Variants in IRGM observed in about 807,000 individuals in gnomAD.
IRGM encodes the protein immunity related GTPase M.
For synonymous variants in IRGM, 98 were observed against 80.6 expected (o/e 1.22, Z -1.16); for missense variants, 288 against 219.9 (o/e 1.31, Z -1.96).
Position 150,848,292 on chromosome 5 carries a change from G to T in IRGM, c.169G>T (p.Gly57Ter). 1 of 1,551,806 alleles carries T rather than the reference G, an allele frequency of 6.4e-7. No homozygotes were observed. Among genetic ancestry groups the T allele is most frequent in the Non-Finnish European group, 8.7e-7 (1 of 1,146,994 alleles). ...STFISALRNT[G>*]HEGKASPPTE... ...CTTCATCAGTGCCCTTCGAAACACA[G>T]GACATGAGGGTAAGGCCTCACCTCC... The change falls in exon 2 of 2, where the codon GGA (glycine) becomes TGA (stop). Residue 57 changes from glycine (G) to a stop codon, truncating the protein, a stop_gained. Coordinates refer to ENST00000522154, the MANE Select transcript of IRGM (RefSeq NM_001145805.2). LOFTEE classifies it low-confidence loss of function (END_TRUNC).
intron 1 of IRGM, among the ~76,000 whole-genome samples, chr5:150,853,917 C>T (rs532963352): frequency 1.7e-4 from 26 of 152,202 alleles, no homozygotes; most frequent in African/African-American, 6.3e-4. Context: ...CATCCATTTA[C>T]ATTTAAAGCA....
intron 3 of IRGM, among the ~76,000 whole-genome samples, chr5:150,889,064 G>T (rs1245826074): frequency 1.3e-5 from 2 of 151,856 alleles, no homozygotes; most frequent in Non-Finnish European, 2.9e-5. Context: ...ATTGTTTATT[G>T]TGGAGTTTTG....
intron 1 of IRGM, among the ~76,000 whole-genome samples, chr5:150,872,313 CCA>C (rs1754296936): frequency 1.3e-5 from 2 of 152,282 alleles, no homozygotes; most frequent in South Asian, 4.1e-4. Flanking sequence ...CCTCCCTGAC[CCA>C]CGCTGCCATC....
intron 1 of IRGM, among the ~76,000 whole-genome samples, chr5:150,875,806 C>A (rs1431198798): frequency 6.6e-6 from 1 of 152,184 alleles, no homozygotes; most frequent in Non-Finnish European, 1.5e-5. Flanking sequence ...GATATGGCAC[C>A]ATTCCTTGGG....
chr5:150,892,044 A>G (rs1341435238), intron 3 of IRGM, among the ~76,000 whole-genome samples: 3 of 152,158 alleles, frequency 2.0e-5, no homozygotes, highest in Non-Finnish European at 4.4e-5. Flanking sequence ...TGTTCTGCAG[A>G]TAAGAATCAT....
chr5:150,896,807 G>C, intron 3 of IRGM: 1 of 1,613,748 alleles, frequency 6.2e-7, no homozygotes, highest in East Asian at 2.2e-5. Flanking sequence ...CCTGCCTGAA[G>C]AGTTTGTCTT....
At chr5:150,857,158 A>G (rs1390053854) in intron 1 of IRGM, among the ~76,000 whole-genome samples, 1 of 150,612 alleles carries the variant, frequency 6.6e-6, no homozygotes, top group Non-Finnish European at 1.5e-5. Context: ...TTCATTTCCC[A>G]CCTATGAGTG....
intron 1 of IRGM, among the ~76,000 whole-genome samples, chr5:150,863,347 T>G (rs1319413263): frequency 6.6e-6 from 1 of 152,220 alleles, no homozygotes; most frequent in Non-Finnish European, 1.5e-5. Context: ...AAAAAGGTGC[T>G]TGTTTTAATG....
chr5:150,860,789 G>T (rs761439979), intron 1 of IRGM, among the ~76,000 whole-genome samples: 40 of 152,110 alleles, frequency 2.6e-4, no homozygotes, highest in Non-Finnish European at 3.2e-4. Context: ...GATTGCTCGG[G>T]GTCTGTGCTA....
intron 3 of IRGM, among the ~76,000 whole-genome samples, chr5:150,899,499 T>G (rs1302406099): frequency 1.3e-5 from 2 of 152,016 alleles, no homozygotes; most frequent in African/African-American, 4.8e-5. Context: ...CTTTATTTCA[T>G]AGGAAAATGA....
intron 3 of IRGM, among the ~76,000 whole-genome samples, chr5:150,892,905 C>T (rs1208234686): frequency 6.6e-6 from 1 of 151,904 alleles, no homozygotes; most frequent in African/African-American, 2.4e-5. Context: ...CCACAATTTT[C>T]TTGTTTTGTT....
chr5:150,856,546 T>G (rs1754052726), intron 1 of IRGM, among the ~76,000 whole-genome samples: 1 of 152,152 alleles, frequency 6.6e-6, no homozygotes, highest in Non-Finnish European at 1.5e-5. Context: ...CTATGTTAAC[T>G]GTGATGTTGG....
At chr5:150,894,369 C>CAAAG (rs911343028) in intron 3 of IRGM, 21 of 152,194 alleles carry the variant, frequency 1.4e-4, no homozygotes, top group African/African-American at 4.8e-4. Context: ...GAAAGGATCA[C>CAAAG]AAAGAAGTGA....
In IRGM at chr5:150,886,690, A is replaced by G. The variant is rs114497857; in HGVS notation, c.*140+7044A>G. ...AGGATATTTTAGTTTGTGTGCATAG[A>G]GATGTTCAAAGTAGTTTCTGATGGT... is the stretch of plus-strand genomic sequence containing the variant. On this transcript the variant is annotated intron_variant and NMD_transcript_variant, in intron 3 of 3. Transcript: ENST00000520549. Among the ~76,000 whole-genome samples the G allele has an allele frequency of 3.6e-3, 541 of 152,146 alleles. 6 individuals carry two copies. Among genetic ancestry groups the G allele is most frequent in the African/African-American group, 0.012 (511 of 41,536 alleles).
At chr5:150,895,437 A>C in intron 3 of IRGM, 2 of 1,601,162 alleles carry the variant, frequency 1.2e-6, no homozygotes, top group Non-Finnish European at 8.5e-7. Flanking sequence ...TGATTTTACC[A>C]CTGTGTGAAT....
At chr5:150,895,694 G>A in intron 3 of IRGM, 1 of 1,613,414 alleles carries the variant, frequency 6.2e-7, no homozygotes, top group Non-Finnish European at 8.5e-7. Context: ...TTTCTCCTGT[G>A]TGAATTCTCT....
In IRGM at chr5:150,848,192, G is replaced by A; in HGVS notation, c.69G>A (p.Lys23=). 6.4e-7 allele frequency: 1 copy of A among 1,551,716 alleles called. No homozygotes were observed. Among genetic ancestry groups the A allele is most frequent in the Non-Finnish European group, 8.7e-7 (1 of 1,146,920 alleles). Residue 23 remains lysine (K), a synonymous_variant, in exon 2 of 2, where the codon AAG becomes AAA. Coordinates refer to ENST00000522154, the MANE Select transcript of IRGM (RefSeq NM_001145805.2). ...TGCCAGAGGTGATCTCTAACATCAA[G>A]GAGACTCTGAAGATAGTGTCCAGGA... ...GNLPEVISNI[K]ETLKIVSRTP... is the part of the protein sequence containing the mutation.
downstream of IRGM, among the ~76,000 whole-genome samples, chr5:150,902,335 A>G (rs559805351): frequency 3.3e-5 from 5 of 152,340 alleles, no homozygotes; most frequent in Non-Finnish European, 7.4e-5. Context: ...ATAATTTAAG[A>G]ATGGCTTTTT....
intron 1 of IRGM, among the ~76,000 whole-genome samples, chr5:150,867,592 T>C: frequency 6.6e-6 from 1 of 152,144 alleles, no homozygotes; most frequent in Non-Finnish European, 1.5e-5. Context: ...TTTACATTCT[T>C]ACCAGCAGTG....
Sources: gnomAD v4.1 joint callset for allele counts (sites outside exome capture counted in the v4.1 genomes callset) on GRCh38, gnomAD v4.1.1 for gene constraint, MANE v1.5 for transcripts, NCBI Gene and HGNC (gene_info 2026-07-23, HGNC 2026-07-21) for gene names.